NDE1: variants seen among roughly 807,000 people sequenced by gnomAD.
NDE1 encodes nudE neurodevelopment protein 1.
NDE1 carries 28 observed loss-of-function variants against 43.4 expected under a neutral mutation model. The observed-to-expected ratio is 0.65, with a 90% confidence interval of 0.48 to 0.89. The LOEUF (loss-of-function observed/expected upper bound fraction) is 0.89. NDE1 is among the 40% of genes least tolerant of loss of function. NDE1 has a pLI of 0.00. For synonymous variants in NDE1, 184 were observed against 172.0 expected (o/e 1.07, Z -0.55); for missense variants, 441 against 434.1 (o/e 1.02, Z -0.14).
At chr16:15,717,650 C>T in intron 8 of NDE1, 2 of 485,350 alleles carry the variant, frequency 4.1e-6, no homozygotes, top group Non-Finnish European at 3.7e-6. Context: ...CAAAAATTAG[C>T]CGGGCAGTGG....
intron 2 of NDE1, among the ~76,000 whole-genome samples, chr16:15,665,633 C>T (rs1041144507): frequency 2.6e-5 from 4 of 151,418 alleles, no homozygotes; most frequent in Non-Finnish European, 5.9e-5. Context: ...TTAGCAGAGA[C>T]GGGGTTTTGC....
chr16:15,683,545 G>A (rs1276337897), intron 4 of NDE1, among the ~76,000 whole-genome samples: 5 of 151,636 alleles, frequency 3.3e-5, no homozygotes, highest in East Asian at 1.9e-4. Flanking sequence ...ATGGGGTTTC[G>A]CCATGTTAGC....
intron 3 of NDE1, among the ~76,000 whole-genome samples, chr16:15,677,590 G>GAA (rs375764516): frequency 2.9e-5 from 4 of 136,372 alleles, no homozygotes; most frequent in African/African-American, 5.4e-5. Context: ...GGCCTCAAAA[G>GAA]AAAAAAAAAA....
chr16:15,679,638 C>A (rs2038071846), intron 4 of NDE1, among the ~76,000 whole-genome samples: 1 of 152,122 alleles, frequency 6.6e-6, no homozygotes, highest in South Asian at 2.1e-4. Flanking sequence ...GTAAGAGCTG[C>A]TTTGAGGTCC....
chr16:15,690,500 G>C (rs187224486), intron 5 of NDE1, among the ~76,000 whole-genome samples: 1 of 151,060 alleles, frequency 6.6e-6, no homozygotes, highest in East Asian at 2.0e-4. Flanking sequence ...TGGGATTACA[G>C]GCATGAGTCA....
At chr16:15,697,816 TG>T (rs1242705794) in intron 8 of NDE1, among the ~76,000 whole-genome samples, 1 of 151,916 alleles carries the variant, frequency 6.6e-6, no homozygotes, top group African/African-American at 2.4e-5. Flanking sequence ...TGTTTTGTTT[TG>T]TTTTTTTTTT....
chr16:15,678,297 A>T (rs908016828), intron 4 of NDE1, among the ~76,000 whole-genome samples: 1 of 152,196 alleles, frequency 6.6e-6, no homozygotes, highest in Non-Finnish European at 1.5e-5. Flanking sequence ...GTGTGAGACA[A>T]GAACATTCCA....
rs758327462 is a variant in NDE1 at position 15,724,248 on chromosome 16, C to T, written c.1005C>T (p.Cys335=). The T allele has an allele frequency of 1.9e-6, 3 of 1,614,238 alleles. No homozygotes were observed. The highest frequency in any genetic ancestry group is 1.7e-6 in the Non-Finnish European group (2 of 1,180,038). ...CAACAACCAGGTCGTCCAGCTCCTG[C>T]TGAAGCCTGTTCTTGGTCTTTTCCA... ...SKSTTRSSSS[C] Residue 335 remains cysteine, a synonymous_variant, in exon 9 of 9, where the codon TGC becomes TGT. Coordinates refer to ENST00000396354, the MANE Select transcript of NDE1 (RefSeq NM_017668.3).
chr16:15,682,619 C>G (rs987578939), intron 4 of NDE1, among the ~76,000 whole-genome samples: 1 of 152,122 alleles, frequency 6.6e-6, no homozygotes, highest in African/African-American at 2.4e-5. Context: ...AAATACATTT[C>G]CTAAAGGTTA....
upstream of NDE1, among the ~76,000 whole-genome samples, chr16:15,647,634 A>G (rs896589886): frequency 3.3e-5 from 5 of 152,138 alleles, no homozygotes. Context: ...TTTTCTGCTT[A>G]TAGATTTAGT....
At chr16:15,669,524 G>A (rs1199015753) in intron 3 of NDE1, among the ~76,000 whole-genome samples, 1 of 151,988 alleles carries the variant, frequency 6.6e-6, no homozygotes, top group Admixed American at 6.6e-5. Context: ...GCCATGCCTG[G>A]CTAATTTTTG....
At chr16:15,706,350 GACTGTT>G (rs1328614853) in intron 8 of NDE1, among the ~76,000 whole-genome samples, 1 of 152,170 alleles carries the variant, frequency 6.6e-6, no homozygotes, top group East Asian at 1.9e-4. Flanking sequence ...GCAGCAGTTT[GACTGTT>G]CCCTGTACGC....
At chr16:15,685,256 TTTTG>T (rs1481174032) in intron 4 of NDE1, among the ~76,000 whole-genome samples, 1 of 152,112 alleles carries the variant, frequency 6.6e-6, no homozygotes, top group Non-Finnish European at 1.5e-5. Context: ...GTAGTGTGTT[TTTTG>T]TTTTTGTTTT....
At chr16:15,706,125 C>T (rs1421892894) in intron 8 of NDE1, among the ~76,000 whole-genome samples, 1 of 152,100 alleles carries the variant, frequency 6.6e-6, no homozygotes, top group Non-Finnish European at 1.5e-5. Context: ...ATGGGACTTC[C>T]CGCAGTGCAG....
At chr16:15,664,500 G>T (rs1458119225) in intron 1 of NDE1, among the ~76,000 whole-genome samples, 1 of 151,956 alleles carries the variant, frequency 6.6e-6, no homozygotes, top group Non-Finnish European at 1.5e-5. Flanking sequence ...GGGACTACAG[G>T]CACCCGCCAC....
At chr16:15,668,164 C>A (rs1337261895) in intron 3 of NDE1, among the ~76,000 whole-genome samples, 1 of 152,016 alleles carries the variant, frequency 6.6e-6, no homozygotes, top group African/African-American at 2.4e-5. Context: ...GAGATTGAGA[C>A]CATCCTGGCC....
At position 15,720,161 on chromosome 16, in the gene NDE1, C is replaced by T. The variant is rs750912363; in HGVS notation, c.948-4030C>T. On this transcript the variant is annotated intron_variant, in intron 8 of 8. Coordinates refer to ENST00000396354, the MANE Select transcript of NDE1 (RefSeq NM_017668.3). ...CCTAGTGTCACCCACCTGCAGTTTG[C>T]GTAGCTGCTTGATGGCTTCCTCCCT... 1.7e-5 allele frequency: 28 copies of T among 1,613,980 alleles called. No individual in the cohort carries two copies. The South Asian group carries it at 2.5e-4, about 15-fold the overall frequency.
intron 8 of NDE1, among the ~76,000 whole-genome samples, chr16:15,722,341 T>G (rs888732023): frequency 2.6e-5 from 4 of 152,234 alleles, no homozygotes; most frequent in African/African-American, 9.6e-5. Flanking sequence ...TGGGTGGCCC[T>G]GCACACATAT....
In NDE1 at chr16:15,670,768, G is replaced by T. The variant is rs576677502; in HGVS notation, c.237+3329G>T. 2.0e-3 allele frequency among the ~76,000 whole-genome samples: 301 copies of T among 152,228 alleles called. 3 individuals are homozygous for T. Among genetic ancestry groups the T allele is most frequent in the Non-Finnish European group, 2.6e-3 (176 of 68,028 alleles). ...TGACACTTGGTGCTTGGGGAGATGG[G>T]GCTGAAGGAGAGTTGATCTGTACCC... On this transcript the variant is annotated intron_variant, in intron 3 of 8. Transcript: ENST00000396354.
Sources: allele counts gnomAD v4.1 joint callset (sites outside exome capture counted in the v4.1 genomes callset), GRCh38; gene constraint gnomAD v4.1.1; transcripts MANE v1.5; gene names NCBI Gene and HGNC (gene_info 2026-07-23, HGNC 2026-07-21).